ASXL1: variants seen among roughly 807,000 people sequenced by gnomAD.
ASXL1 encodes polycomb group protein ASXL1.
Under a neutral mutation model 89.1 loss-of-function variants are expected in ASXL1, and 65 were observed. The ratio of observed to expected loss-of-function variants is 0.73; its 90% CI spans 0.60 to 0.90. The LOEUF (loss-of-function observed/expected upper bound fraction) is 0.90. Ranked by LOEUF, ASXL1 falls within the 40% of genes least tolerant of loss-of-function variation. ASXL1 has a pLI of 0.00. For synonymous variants in ASXL1, 739 were observed against 746.9 expected (o/e 0.99, Z 0.17); for missense variants, 1,786 against 1,942.9 (o/e 0.92, Z 1.52).
In ASXL1 at chr20:32,358,450, G is replaced by C. The variant is rs1310749646; in HGVS notation, c.-326G>C. On this transcript the variant is annotated 5_prime_UTR_variant, in exon 1 of 13. Coordinates refer to ENST00000375687, the MANE Select transcript of ASXL1 (RefSeq NM_015338.6). ...CTCAGTCCCTCAGCAGAGCGGGAAA[G>C]CGGAGGCCGGAGCCGTGACCTCTGA... 4.3e-6 allele frequency: 1 copy of C among 232,280 alleles called. No homozygotes were observed. The highest frequency in any genetic ancestry group is 8.5e-6 in the Non-Finnish European group (1 of 117,748). 14.4% of individuals were successfully genotyped at this position (232,280 alleles called of 1,614,324 possible).
chr20:32,403,443 CT>C (rs2048907821), intron 4 of ASXL1, among the ~76,000 whole-genome samples: 2 of 152,066 alleles, frequency 1.3e-5, no homozygotes, highest in Non-Finnish European at 2.9e-5. Context: ...TTGAGACAGC[CT>C]CAGTGTTTTG....
chr20:32,358,694 G>C lies in ASXL1; in HGVS notation c.-82G>C. On this transcript the variant is annotated 5_prime_UTR_variant, in exon 1 of 13. Coordinates refer to ENST00000375687, the MANE Select transcript of ASXL1 (RefSeq NM_015338.6). ...GCCACGCGCCCCCCCCACCGCCGCC[G>C]CCGCCCCAGCCCCGCGCCACCGCCC... 2.9e-6 allele frequency: 2 copies of C among 679,466 alleles called. No individual in the cohort carries two copies. Among genetic ancestry groups the C allele is most frequent in the Non-Finnish European group, 3.8e-6 (2 of 524,648 alleles). 42.1% of individuals were successfully genotyped at this position (679,466 alleles called of 1,614,324 possible). A position where few individuals can be genotyped will look rare whatever the true frequency, so the allele number is the denominator to read the frequency against.
intron 4 of ASXL1, among the ~76,000 whole-genome samples, chr20:32,418,465 C>G (rs1167599539): frequency 6.6e-6 from 1 of 152,174 alleles, no homozygotes; most frequent in Non-Finnish European, 1.5e-5. Context: ...AATTCATAGA[C>G]CATACAGTTC....
intron 4 of ASXL1, among the ~76,000 whole-genome samples, chr20:32,409,243 G>A (rs939751141): frequency 6.6e-6 from 1 of 152,190 alleles, no homozygotes. Context: ...AAAGTGCTGG[G>A]ATTATAGGCG....
At chr20:32,367,499 G>A (rs550928169) in intron 2 of ASXL1, among the ~76,000 whole-genome samples, 7 of 152,336 alleles carry the variant, frequency 4.6e-5, no homozygotes, top group African/African-American at 1.2e-4. Context: ...AAACTTAGCT[G>A]CTTTAATTGA....
At chr20:32,430,271 GT>G (rs2123228098) in intron 8 of ASXL1, 1 of 634,006 alleles carries the variant, frequency 1.6e-6, no homozygotes, top group East Asian at 2.9e-5. Context: ...ATGCCATACT[GT>G]TTCTCGTATG....
At chr20:32,395,968 T>G (rs2048755730) in intron 4 of ASXL1, among the ~76,000 whole-genome samples, 1 of 151,990 alleles carries the variant, frequency 6.6e-6, no homozygotes, top group Admixed American at 6.6e-5. Flanking sequence ...CTGGCTAGTT[T>G]TTGTATTTTT....
At chr20:32,372,149 A>G (rs1447871155) in intron 4 of ASXL1, 9 of 1,348,320 alleles carry the variant, frequency 6.7e-6, no homozygotes, top group Non-Finnish European at 8.9e-6. Context: ...ATATTTCTTC[A>G]TCTTAATTTT....
At position 32,437,442 on chromosome 20, in the gene ASXL1, C is replaced by A; in HGVS notation, c.*104C>A. Reference sequence around the variant, plus strand: ...TATCATTGATATAATACTCTTTAGGCAGGAGCACTCTTGCCTTCCCCCAAA... The same window carrying A: ...TATCATTGATATAATACTCTTTAGGAAGGAGCACTCTTGCCTTCCCCCAAA... On this transcript the variant is annotated 3_prime_UTR_variant, in exon 13 of 13. Coordinates refer to ENST00000375687, the MANE Select transcript of ASXL1 (RefSeq NM_015338.6). The A allele has an allele frequency of 6.5e-7, 1 of 1,536,964 alleles. No homozygotes were observed. Among genetic ancestry groups the A allele is most frequent in the Non-Finnish European group, 9.0e-7 (1 of 1,116,030 alleles).
intron 4 of ASXL1, among the ~76,000 whole-genome samples, chr20:32,412,518 T>C (rs2049065710): frequency 6.6e-6 from 1 of 152,150 alleles, no homozygotes; most frequent in African/African-American, 2.4e-5. Flanking sequence ...AAATTTTAAA[T>C]GTATCACAAC....
At chr20:32,387,883 T>A (rs1024272257) in intron 4 of ASXL1, among the ~76,000 whole-genome samples, 3 of 152,246 alleles carry the variant, frequency 2.0e-5, no homozygotes, top group Admixed American at 1.3e-4. Context: ...AACCAACCTG[T>A]TCCACCCTTG....
rs961825584 is a variant in ASXL1, at chr20:32,382,232, C to G, written c.252+13109C>G. Among the ~76,000 whole-genome samples the G allele has an allele frequency of 7.9e-5, 12 of 152,152 alleles. 1 individual carries two copies. The highest frequency in any genetic ancestry group is 6.8e-3 in the Middle Eastern group (2 of 294). ...TCAGGTGATCCACCCGCCTTGACCT[C>G]CCGAAGTCCTGGGATTACAGGTGTG... On this transcript the variant is annotated intron_variant, in intron 4 of 12. Transcript: ENST00000375687.
At chr20:32,378,903 G>A (rs1270072014) in intron 4 of ASXL1, among the ~76,000 whole-genome samples, 1 of 151,766 alleles carries the variant, frequency 6.6e-6, no homozygotes, top group Non-Finnish European at 1.5e-5. Context: ...GGAGGCGGGC[G>A]GATCACCTGA....
At chr20:32,361,480 A>G (rs1395032865) in intron 1 of ASXL1, among the ~76,000 whole-genome samples, 1 of 151,874 alleles carries the variant, frequency 6.6e-6, no homozygotes, top group Non-Finnish European at 1.5e-5. Context: ...TCTACTAAAA[A>G]TACAAAAATT....
chr20:32,400,002 T>C (rs988049737), intron 4 of ASXL1, among the ~76,000 whole-genome samples: 2 of 152,060 alleles, frequency 1.3e-5, no homozygotes, highest in Admixed American at 1.3e-4. Flanking sequence ...CCTCAAGTGA[T>C]CTGCTTGCCT....
intron 4 of ASXL1, among the ~76,000 whole-genome samples, chr20:32,411,031 C>CAAAAAAAAAAAAAAAAAAAAAAAAAAA (rs1257482301): frequency 3.6e-5 from 1 of 27,682 alleles, no homozygotes; most frequent in African/African-American, 1.1e-4. Context: ...GACTCTGTCT[C>CAAAAAAAAAAAAAAAAAAAAAAAAAAA]AAAAAAAAAA....
chr20:32,388,399 C>A (rs2048616431), intron 4 of ASXL1, among the ~76,000 whole-genome samples: 1 of 152,194 alleles, frequency 6.6e-6, no homozygotes, highest in African/African-American at 2.4e-5. Flanking sequence ...TGGTCTCGAA[C>A]TCCTGACCTC....
chr20:32,434,274 T>G, intron 12 of ASXL1, 158 bp from the exon 13 acceptor site: 1 of 962,562 alleles, frequency 1.0e-6, no homozygotes, highest in Admixed American at 2.1e-5. Flanking sequence ...AATGGTGTGT[T>G]ATGGCGCCAT....
In ASXL1 at chr20:32,436,307, G is replaced by A. The variant is rs959073235; in HGVS notation, c.3595G>A (p.Ala1199Thr). Residue 1199 changes from alanine (A) to threonine (T), a missense_variant, in exon 13 of 13, where the codon GCA becomes ACA. By Grantham distance (58) the Ala-to-Thr change is moderately conservative. Around this residue, in one of 3 missense-constraint regions of ASXL1, gnomAD observed 1,418 missense variants for 1,427.8 expected, o/e 0.99. Coordinates refer to ENST00000375687, the MANE Select transcript of ASXL1 (RefSeq NM_015338.6). ...ARIEATQAPG[A>T]PQKNCKAVPS... Reference sequence around the variant, plus strand: ...GATTGAGGCCACCCAGGCTCCTGGAGCACCCCAAAAGAATTGCAAGGCAGT... The same window carrying A: ...GATTGAGGCCACCCAGGCTCCTGGAACACCCCAAAAGAATTGCAAGGCAGT... The A allele has an allele frequency of 6.2e-7, 1 of 1,614,030 alleles. No homozygotes were observed. Among genetic ancestry groups the A allele is most frequent in the African/African-American group, 1.3e-5 (1 of 74,936 alleles).
Sources: allele counts gnomAD v4.1 joint callset (sites outside exome capture counted in the v4.1 genomes callset), GRCh38; gene constraint gnomAD v4.1.1; regional missense constraint gnomAD v4.1.1; transcripts MANE v1.5; gene names NCBI Gene and HGNC (gene_info 2026-07-23, HGNC 2026-07-21).